Variants in GTPBP4 observed in about 807,000 individuals in gnomAD.
GTPBP4 encodes the protein GTP binding protein 4, also known as GTP-binding protein 4.
A neutral mutation model predicts 81.7 loss-of-function variants in GTPBP4; 15 were observed. The observed-to-expected ratio is 0.18, with a 90% CI of 0.12 to 0.28. The LOEUF is 0.28. GTPBP4 is among the 10% of genes least tolerant of loss of function. The probability of loss-of-function intolerance (pLI) is 1.00; values close to 1 mark genes in which losing one functional copy is unlikely to be tolerated. For synonymous variants in GTPBP4, 272 were observed against 274.6 expected (o/e 0.99, Z 0.09); for missense variants, 847 against 793.8 (o/e 1.07, Z -0.81).
At chr10:990,626 G>A (rs924754783) in intron 1 of GTPBP4, among the ~76,000 whole-genome samples, 2 of 150,670 alleles carry the variant, frequency 1.3e-5, no homozygotes, top group African/African-American at 4.9e-5. Flanking sequence ...GGGAGGCTGA[G>A]GCAGGAGAAT....
rs186774142 is a variant in GTPBP4 at position 1,004,912 on chromosome 10, G to A, written c.913-906G>A. On this transcript the variant is annotated intron_variant, in intron 8 of 16. Coordinates refer to ENST00000360803, the MANE Select transcript of GTPBP4 (RefSeq NM_012341.3). ...AGTCCCAAGATGATGGAGTATAGCC[G>A]CCCCATGGGCCCAACAGACAGGGCC... 2.3e-3 allele frequency among the ~76,000 whole-genome samples: 351 copies of A among 152,302 alleles called. 4 individuals carry two copies. The highest frequency in any genetic ancestry group is 8.0e-3 in the African/African-American group (334 of 41,574).
intron 8 of GTPBP4, among the ~76,000 whole-genome samples, chr10:1,001,597 G>A (rs930838460): frequency 1.3e-5 from 2 of 151,920 alleles, no homozygotes; most frequent in Admixed American, 1.3e-4. Context: ...GCCCAGCAAT[G>A]TCAGCATCAC....
At chr10:990,416 G>C (rs1167778729) in intron 1 of GTPBP4, among the ~76,000 whole-genome samples, 1 of 152,112 alleles carries the variant, frequency 6.6e-6, no homozygotes, top group African/African-American at 2.4e-5. Flanking sequence ...CTCTTTGGAA[G>C]TCATTTTCAA....
At chr10:989,916 C>T (rs578124568) in intron 1 of GTPBP4, among the ~76,000 whole-genome samples, 1 of 152,092 alleles carries the variant, frequency 6.6e-6, no homozygotes, top group East Asian at 1.9e-4. Context: ...TTTGTATTTT[C>T]AGTAGAAGTG....
chr10:1,012,572 A>G lies in GTPBP4; in HGVS notation c.1452A>G (p.Ala484=). ...AGATGCTGGAAATCCGACAGCTGGC[A>G]AAGCAAATTCGAGAGAAAAAGAAGT... ...DEEMLEIRQL[A]KQIREKKKLK... is the part of the protein sequence containing the mutation. The change falls in exon 14 of 17, where the codon GCA becomes GCG. Residue 484 remains alanine (A), a synonymous_variant. Transcript: ENST00000360803. 2 of 1,614,050 alleles carry G rather than the reference A, an allele frequency of 1.2e-6. No homozygotes were observed.
intron 13 of GTPBP4, 65 bp from the exon 14 acceptor site, chr10:1,012,400 C>G (rs1397108096): frequency 8.0e-6 from 9 of 1,126,430 alleles, no homozygotes; most frequent in Middle Eastern, 2.3e-4. Flanking sequence ...CACACTCTGC[C>G]ACACTCACTG....
At chr10:1,012,692 A>G in intron 14 of GTPBP4, 30 bp downstream of exon 14, 1 of 1,545,306 alleles carries the variant, frequency 6.5e-7, no homozygotes. Flanking sequence ...AAGCAGTGTG[A>G]TCTAGTTTTT....
In GTPBP4 at chr10:1,000,597, G is replaced by A. The variant is rs141920256; in HGVS notation, c.655-80G>A. 2.6e-3 allele frequency: 1,789 copies of A among 698,462 alleles called. 5 individuals carry two copies. Among genetic ancestry groups the A allele is most frequent in the Non-Finnish European group, 3.6e-3 (1,639 of 451,568 alleles). 43.3% of individuals were successfully genotyped at this position (698,462 alleles called of 1,614,324 possible). On this transcript the variant is annotated intron_variant, in intron 6 of 16. Transcript: ENST00000360803. ...AAGATTATTAGGTCTGGTTGGGTGT[G>A]TGTGAGTGACTTCTGGGATGTGCTG...
intron 1 of GTPBP4, 137 bp downstream of exon 1, chr10:988,664 G>A (rs1033275716): frequency 1.2e-5 from 8 of 662,974 alleles, no homozygotes; most frequent in Non-Finnish European, 1.9e-5. Flanking sequence ...TGACCGTCTG[G>A]CCGCGTACTC....
intron 2 of GTPBP4, among the ~76,000 whole-genome samples, chr10:993,343 C>A (rs546862253): frequency 6.6e-6 from 1 of 152,218 alleles, no homozygotes. Flanking sequence ...ATCTCTACCT[C>A]CTGGATTCAA....
intron 4 of GTPBP4, 39 bp from the exon 5 acceptor site, chr10:997,169 C>G: frequency 8.4e-7 from 1 of 1,184,362 alleles, no homozygotes; most frequent in East Asian, 2.3e-5. Flanking sequence ...AAATCTTAAA[C>G]TTTGAATTTC....
At position 1,014,311 on chromosome 10, in the gene GTPBP4, A is replaced by T. The variant is rs1472835911; in HGVS notation, c.1607A>T (p.Asp536Val). Residue 536 changes from aspartate to valine, a missense_variant and splice_region_variant, in exon 15 of 17, where the codon GAT (aspartate) becomes GTT (valine). Asp to Val is a radical substitution (Grantham distance 152, BLOSUM62 -3). Around this residue, in one of 3 missense-constraint regions of GTPBP4, gnomAD observed 600 missense variants for 557.1 expected, o/e 1.08. Coordinates refer to ENST00000360803, the MANE Select transcript of GTPBP4 (RefSeq NM_012341.3). Reference sequence around the variant, plus strand: ...GGTGTTGACATGGACGATAAAGACGATGTGAGTGTGGGGGCGGTTCATGTG... The same window carrying T: ...GGTGTTGACATGGACGATAAAGACGTTGTGAGTGTGGGGGCGGTTCATGTG... The part of the protein sequence containing the change: ...SLGVDMDDKD[D>V]AHYAVQARRS... 7 of 1,604,218 alleles carry T rather than the reference A, an allele frequency of 4.4e-6. No individual in the cohort carries two copies. Among genetic ancestry groups the T allele is most frequent in the Non-Finnish European group, 6.0e-6 (7 of 1,171,368 alleles).
At chr10:995,753 C>G (rs750821503) in intron 2 of GTPBP4, among the ~76,000 whole-genome samples, 176 bp from the exon 3 acceptor site, 2 of 152,094 alleles carry the variant, frequency 1.3e-5, no homozygotes, top group Admixed American at 6.5e-5. Flanking sequence ...GCACCCGCAT[C>G]CCTTCTGATG....
intron 5 of GTPBP4, 46 bp from the exon 6 acceptor site, chr10:998,957 T>C: frequency 9.8e-7 from 1 of 1,016,416 alleles, no homozygotes; most frequent in Non-Finnish European, 1.6e-6. Context: ...ATCCCACGTG[T>C]ACACAGAGGA....
intron 8 of GTPBP4, among the ~76,000 whole-genome samples, chr10:1,003,754 G>A (rs774513175): frequency 5.3e-5 from 8 of 152,260 alleles, no homozygotes; most frequent in Non-Finnish European, 4.4e-5. Context: ...TGGTGTCAGG[G>A]GCTTTTGGGG....
At chr10:1,011,278 C>G (rs1831865515) in intron 13 of GTPBP4, among the ~76,000 whole-genome samples, 1 of 152,208 alleles carries the variant, frequency 6.6e-6, no homozygotes, top group Admixed American at 6.5e-5. Context: ...ACATCTTTTT[C>G]CTGCCTCAAT....
At chr10:999,656 A>G (rs1831589666) in intron 6 of GTPBP4, among the ~76,000 whole-genome samples, 1 of 152,212 alleles carries the variant, frequency 6.6e-6, no homozygotes, top group African/African-American at 2.4e-5. Flanking sequence ...TGGCATATAT[A>G]CAGTTTAAAA....
chr10:998,188 C>T (rs1053543613), intron 5 of GTPBP4, among the ~76,000 whole-genome samples: 9 of 152,150 alleles, frequency 5.9e-5, no homozygotes, highest in African/African-American at 1.2e-4. Flanking sequence ...CAGCCTCAAC[C>T]TTCCGGGCCC....
rs755370801 is a variant in GTPBP4, at chr10:1,015,817, C to G, written c.1673C>G (p.Ser558Cys). The change falls in exon 16 of 17, where the codon TCT becomes TGT. Residue 558 changes from serine to cysteine, a missense_variant. Around this residue, in one of 3 missense-constraint regions of GTPBP4, gnomAD observed 600 missense variants for 557.1 expected, o/e 1.08. Transcript: ENST00000360803. ...SITRKRKRED[S>C]APPSSVARSG... ...ACTAGGAAAAGAAAGCGGGAAGACT[C>G]TGCTCCCCCGTCCTCTGTGGCCCGG... The G allele has an allele frequency of 1.2e-6, 2 of 1,613,980 alleles. No homozygotes were observed. Among genetic ancestry groups the G allele is most frequent in the Non-Finnish European group, 1.7e-6 (2 of 1,179,786 alleles).
Sources: gnomAD v4.1 joint callset for allele counts (sites outside exome capture counted in the v4.1 genomes callset) on GRCh38, gnomAD v4.1.1 for gene constraint, gnomAD v4.1.1 regional missense constraint, MANE v1.5 for transcripts, NCBI Gene and HGNC (gene_info 2026-07-23, HGNC 2026-07-21) for gene names.